Variants in TTC28 observed in about 807,000 individuals in gnomAD.
TTC28 encodes tetratricopeptide repeat protein 28.
TTC28 carries 61 observed loss-of-function variants against 198.0 expected under a neutral mutation model. That is an observed-to-expected ratio of 0.31 (90% confidence interval 0.25 to 0.38). The LOEUF (loss-of-function observed/expected upper bound fraction) is 0.38. TTC28 is among the 10% of genes least tolerant of loss of function. TTC28 has a pLI of 1.00. For missense variants in TTC28, 2,678 were observed against 3,164.0 expected (o/e 0.85, Z 3.69); for synonymous variants, 1,171 against 1,297.8 (o/e 0.90, Z 2.10).
At chr22:28,186,044 C>T (rs1430195986) in intron 5 of TTC28, among the ~76,000 whole-genome samples, 1 of 152,110 alleles carries the variant, frequency 6.6e-6, no homozygotes, top group South Asian at 2.1e-4. Flanking sequence ...CTTAGAATAG[C>T]TTAGCAAGCA....
chr22:28,078,766 C>G (rs555157583), intron 12 of TTC28, among the ~76,000 whole-genome samples: 53 of 152,162 alleles, frequency 3.5e-4, no homozygotes, highest in Middle Eastern at 3.2e-3. Context: ...TGTTCCTGAG[C>G]TGCCCTAGAG....
intron 12 of TTC28, among the ~76,000 whole-genome samples, chr22:28,051,110 T>C (rs1344121409): frequency 1.3e-5 from 2 of 152,110 alleles, no homozygotes; most frequent in African/African-American, 4.8e-5. Flanking sequence ...GGTAGGGAAG[T>C]TATTTTTCAT....
At chr22:28,421,591 T>C (rs2146172002) in intron 2 of TTC28, among the ~76,000 whole-genome samples, 1 of 152,282 alleles carries the variant, frequency 6.6e-6, no homozygotes, top group African/African-American at 2.4e-5. Context: ...ATAGAAGAAT[T>C]GATGAAATTT....
At chr22:28,581,064 T>C (rs1036580339) in intron 2 of TTC28, among the ~76,000 whole-genome samples, 6 of 152,216 alleles carry the variant, frequency 3.9e-5, no homozygotes, top group South Asian at 4.1e-4. Context: ...GCAAATCTCA[T>C]GTTGAATTCT....
intron 6 of TTC28, among the ~76,000 whole-genome samples, chr22:28,118,874 T>C (rs1942710045): frequency 6.6e-6 from 1 of 152,220 alleles, no homozygotes; most frequent in Non-Finnish European, 1.5e-5. Flanking sequence ...TTCTATTATA[T>C]CATCATTTGA....
intron 2 of TTC28, among the ~76,000 whole-genome samples, chr22:28,322,263 T>A (rs1333101408): frequency 6.6e-6 from 1 of 152,186 alleles, no homozygotes; most frequent in Admixed American, 6.5e-5. Context: ...AAGGACATTA[T>A]TTAACCTGCA....
chr22:28,526,602 G>A (rs772223617), intron 2 of TTC28, among the ~76,000 whole-genome samples: 1 of 152,160 alleles, frequency 6.6e-6, no homozygotes, highest in Admixed American at 6.5e-5. Flanking sequence ...TGAGGAGTTA[G>A]AGCATGAAGG....
intron 6 of TTC28, among the ~76,000 whole-genome samples, chr22:28,118,722 C>A (rs766271033): frequency 3.9e-5 from 6 of 152,040 alleles, no homozygotes; most frequent in Non-Finnish European, 7.4e-5. Flanking sequence ...GAATGTATCC[C>A]TATTGTTAAA....
chr22:28,660,232 G>C (rs1359907002), intron 1 of TTC28, among the ~76,000 whole-genome samples: 1 of 152,050 alleles, frequency 6.6e-6, no homozygotes, highest in Non-Finnish European at 1.5e-5. Flanking sequence ...ACTTTTATTT[G>C]TACTATGAAA....
chr22:28,441,775 C>T (rs2047625400), intron 2 of TTC28, among the ~76,000 whole-genome samples: 1 of 151,408 alleles, frequency 6.6e-6, no homozygotes, highest in Non-Finnish European at 1.5e-5. Flanking sequence ...AACCAGGCAG[C>T]GGCTAACAGA....
chr22:28,146,282 G>A (rs187653513), intron 6 of TTC28, among the ~76,000 whole-genome samples: 27 of 152,320 alleles, frequency 1.8e-4, no homozygotes, highest in African/African-American at 4.3e-4. Context: ...GGATGTTTAC[G>A]CAGAATACCA....
chr22:28,139,597 A>G (rs1429214635), intron 6 of TTC28, among the ~76,000 whole-genome samples: 1 of 152,174 alleles, frequency 6.6e-6, no homozygotes, highest in Admixed American at 6.5e-5. Flanking sequence ...AAAATACTGC[A>G]AGGAAGGAAA....
intron 5 of TTC28, among the ~76,000 whole-genome samples, chr22:28,206,506 T>C (rs1926416513): frequency 6.6e-6 from 1 of 152,184 alleles, no homozygotes. Flanking sequence ...AGAACCTAGT[T>C]TATCACGTTG....
At chr22:28,141,191 A>G (rs1943325043) in intron 6 of TTC28, among the ~76,000 whole-genome samples, 1 of 152,114 alleles carries the variant, frequency 6.6e-6, no homozygotes, top group African/African-American at 2.4e-5. Context: ...GCCTTCCTTG[A>G]CCACACGATT....
At chr22:28,413,928 G>A (rs373501191) in intron 2 of TTC28, among the ~76,000 whole-genome samples, 2 of 152,152 alleles carry the variant, frequency 1.3e-5, no homozygotes, top group African/African-American at 2.4e-5. Flanking sequence ...TGTGATCTTC[G>A]AGCTTTGTGG....
intron 2 of TTC28, among the ~76,000 whole-genome samples, chr22:28,627,424 T>C (rs1357822381): frequency 1.3e-5 from 2 of 150,920 alleles, no homozygotes; most frequent in African/African-American, 2.4e-5. Context: ...TCACATACAA[T>C]TTTTCTTTTT....
chr22:28,098,850 A>G, intron 10 of TTC28, 65 bp downstream of exon 10: 2 of 1,511,638 alleles, frequency 1.3e-6, no homozygotes, highest in Non-Finnish European at 1.8e-6. Flanking sequence ...CAACTTGGAC[A>G]CATGGACGCG....
At chr22:28,390,484 C>A (rs2046698958) in intron 2 of TTC28, among the ~76,000 whole-genome samples, 1 of 152,096 alleles carries the variant, frequency 6.6e-6, no homozygotes, top group East Asian at 1.9e-4. Flanking sequence ...GTCTAAGTCT[C>A]TTTGTAGGTC....
rs901901599 is a variant in TTC28, at chr22:28,170,378, A to G, written c.934-6779T>C. ...GTTGCGGGCACCTGTAGTCCCACCT[A>G]CTCGGGAGGCTGAGGCAGGAGAATG... is the stretch of plus-strand genomic sequence containing the variant. On this transcript the variant is annotated intron_variant, in intron 5 of 22. Coordinates refer to ENST00000397906, the MANE Select transcript of TTC28 (RefSeq NM_001145418.2). 6.6e-5 allele frequency among the ~76,000 whole-genome samples: 10 copies of G among 151,490 alleles called. No individual in the cohort carries two copies. The East Asian group carries it at 1.9e-3, about 29-fold the overall frequency.
Sources: gnomAD v4.1 joint callset for allele counts (sites outside exome capture counted in the v4.1 genomes callset) on GRCh38, gnomAD v4.1.1 for gene constraint, MANE v1.5 for transcripts, NCBI Gene and HGNC (gene_info 2026-07-23, HGNC 2026-07-21) for gene names.